CD96: variants seen among roughly 807,000 people sequenced by gnomAD.
The protein encoded by CD96 is T-cell surface protein tactile.
Under a neutral mutation model 71.3 loss-of-function variants are expected in CD96, and 70 were observed. That is an observed-to-expected ratio of 0.98 (90% CI 0.81 to 1.20). The LOEUF is 1.20. Ranked by LOEUF, CD96 falls within the 50% of genes most tolerant of loss-of-function variation. The pLI, the probability that CD96 is intolerant of heterozygous loss-of-function variation, is 0.00. For missense variants in CD96, 742 were observed against 677.5 expected, an observed-to-expected ratio of 1.10 and a Z score of -1.06; for synonymous variants, 248 against 233.0, an observed-to-expected ratio of 1.06 and a Z score of -0.59.
intron 11 of CD96, among the ~76,000 whole-genome samples, chr3:111,637,600 T>C (rs1314695135): frequency 1.3e-5 from 2 of 152,194 alleles, no homozygotes; most frequent in African/African-American, 4.8e-5. Flanking sequence ...GCAAATGAAT[T>C]TTTATTAACC....
At position 111,649,791 on chromosome 3, in the gene CD96, G is replaced by C. The variant is rs547635787; in HGVS notation, c.1695G>C (p.Glu565Asp). The C allele has an allele frequency of 5.6e-6, 9 of 1,601,968 alleles. No homozygotes were observed. Among genetic ancestry groups the C allele is most frequent in the African/African-American group, 2.7e-5 (2 of 74,704 alleles). ...EPNESDLPYHEMETL is the reference protein window; with the variant it reads ...EPNESDLPYHDMETL The stretch of plus-strand genomic sequence containing the variant: ...ACGAAAGTGATCTGCCTTATCATGA[G>C]ATGGAGACCCTCTAGTCTCGTGAGA... The change falls in exon 14 of 14, where the codon GAG becomes GAC. Residue 565 changes from glutamate to aspartate, a missense_variant. Coordinates refer to ENST00000352690, the MANE Select transcript of CD96 (RefSeq NM_005816.5).
chr3:111,603,469 G>A (rs552200011), intron 7 of CD96, among the ~76,000 whole-genome samples: 1 of 151,878 alleles, frequency 6.6e-6, no homozygotes, highest in Non-Finnish European at 1.5e-5. Context: ...ATCCCGCCCT[G>A]CTAGCATGTC....
chr3:111,663,766 T>TTTC (rs1940411865), intron 14 of CD96, among the ~76,000 whole-genome samples: 7 of 151,704 alleles, frequency 4.6e-5, no homozygotes, highest in Middle Eastern at 3.4e-3. Flanking sequence ...TTTTTTTTTT[T>TTTC]GAGATGGAGT....
At chr3:111,639,577 C>A (rs1939499317) in intron 12 of CD96, among the ~76,000 whole-genome samples, 1 of 152,140 alleles carries the variant, frequency 6.6e-6, no homozygotes, top group Non-Finnish European at 1.5e-5. Context: ...GGCATATAAT[C>A]TTGGGAGTTC....
intron 10 of CD96, among the ~76,000 whole-genome samples, chr3:111,627,224 TCTGATGTCTCCTTGGGACAGAGTG>T (rs1326768421): frequency 3.9e-5 from 6 of 152,182 alleles, no homozygotes; most frequent in Admixed American, 6.5e-5. Context: ...TGGACAGAAC[TCTGATGTCTCCTTGGGACAGAGTG>T]CCTTGTGGGA....
At chr3:111,611,273 A>C (rs1472992216) in intron 8 of CD96, among the ~76,000 whole-genome samples, 1 of 152,200 alleles carries the variant, frequency 6.6e-6, no homozygotes. Flanking sequence ...GATCTTCGGC[A>C]AGTGGATGAT....
chr3:111,589,511 A>G (rs1006434046), intron 5 of CD96, among the ~76,000 whole-genome samples: 4 of 152,250 alleles, frequency 2.6e-5, no homozygotes, highest in African/African-American at 9.6e-5. Flanking sequence ...GCTACAGGAC[A>G]TGGCTTGTCT....
intron 8 of CD96, among the ~76,000 whole-genome samples, chr3:111,612,656 CCAGA>C (rs1938011246): frequency 6.6e-6 from 1 of 152,106 alleles, no homozygotes; most frequent in African/African-American, 2.4e-5. Flanking sequence ...AGTATTGAGC[CCAGA>C]CAGACTTCAG....
In CD96 at chr3:111,600,900, T is replaced by C. The variant is rs1399984774; in HGVS notation, c.1073T>C (p.Ile358Thr). Residue 358 changes from isoleucine (I) to threonine (T), a missense_variant, in exon 7 of 14, where the codon ATC becomes ACC. Coordinates refer to ENST00000352690, the MANE Select transcript of CD96 (RefSeq NM_005816.5). Reference sequence around the variant, plus strand: ...GTGTGGAACATCTCATCAGAAAAGATCACTTTTCTCTTAGGTGAGTTGTCT... The same window carrying C: ...GTGTGGAACATCTCATCAGAAAAGACCACTTTTCTCTTAGGTGAGTTGTCT... ...NKVWNISSEK[I>T]TFLLGSEISS... 6.2e-7 allele frequency: 1 copy of C among 1,605,352 alleles called. No individual in the cohort carries two copies.
chr3:111,628,996 AAGAG>A (rs1264328402), intron 10 of CD96, among the ~76,000 whole-genome samples: 2 of 152,226 alleles, frequency 1.3e-5, no homozygotes, highest in Non-Finnish European at 2.9e-5. Context: ...TCTGCTTTAG[AAGAG>A]GTCCTGAAGG....
At chr3:111,544,214 G>A (rs555048829) in intron 1 of CD96, among the ~76,000 whole-genome samples, 13 of 151,966 alleles carry the variant, frequency 8.6e-5, no homozygotes, top group Non-Finnish European at 1.5e-4. Context: ...GCATGATTTC[G>A]GCTCACTGTA....
chr3:111,637,554 ATAAT>A (rs1360675517), intron 11 of CD96, among the ~76,000 whole-genome samples: 1 of 152,248 alleles, frequency 6.6e-6, no homozygotes, highest in East Asian at 1.9e-4. Flanking sequence ...GGAAAATAGA[ATAAT>A]TAGTCAACAT....
In CD96 at chr3:111,545,143, C is replaced by A; in HGVS notation, c.159C>A (p.Phe53Leu). Reference protein sequence around the residue: ...LTCQTQTVGFFVQMQWSKVTN... With the variant: ...LTCQTQTVGFLVQMQWSKVTN... ...GCCAAACACAGACAGTAGGCTTCTT[C>A]GTGCAGATGCAATGGTCCAAGGTCA... The change falls in exon 2 of 14, where the codon TTC (phenylalanine) becomes TTA (leucine). Residue 53 changes from phenylalanine to leucine, a missense_variant. Coordinates refer to ENST00000352690, the MANE Select transcript of CD96 (RefSeq NM_005816.5). The A allele has an allele frequency of 6.2e-7, 1 of 1,614,140 alleles. No individual in the cohort carries two copies. The highest frequency in any genetic ancestry group is 8.5e-7 in the Non-Finnish European group (1 of 1,180,006).
chr3:111,618,686 G>A (rs1057058208), intron 8 of CD96, among the ~76,000 whole-genome samples: 8 of 147,738 alleles, frequency 5.4e-5, no homozygotes, highest in African/African-American at 1.8e-4. Context: ...CCAGGTTCAC[G>A]CCATTCTCCT....
intron 5 of CD96, among the ~76,000 whole-genome samples, chr3:111,588,380 C>T (rs180728115): frequency 2.0e-5 from 3 of 152,332 alleles, no homozygotes; most frequent in Admixed American, 2.0e-4. Flanking sequence ...ACAACCTCGG[C>T]CTGGACCTTA....
At position 111,606,867 on chromosome 3, in the gene CD96, T is replaced by C. The variant is rs758774554; in HGVS notation, c.1180+75T>C. The C allele has an allele frequency of 3.4e-6, 3 of 892,822 alleles. No homozygotes were observed. The South Asian group carries it at 3.9e-5, about 12-fold the overall frequency. The allele number at this position is 892,822 out of a possible 1,614,324, so 55.3% of individuals were successfully genotyped here. A position where few individuals can be genotyped will look rare whatever the true frequency, so the allele number is the denominator to read the frequency against. ...ACGATAAAATTTCAGCAAACTTGCA[T>C]CATTCATGCCTGTTTCTTAGCTATG... On this transcript the variant is annotated intron_variant, in intron 8 of 13. Coordinates refer to ENST00000352690, the MANE Select transcript of CD96 (RefSeq NM_005816.5).
chr3:111,555,805 A>T (rs1206929287), intron 2 of CD96, among the ~76,000 whole-genome samples: 1 of 152,300 alleles, frequency 6.6e-6, no homozygotes, highest in African/African-American at 2.4e-5. Flanking sequence ...GTTTTTAAAT[A>T]ATCAAATATG....
At chr3:111,659,479 T>G (rs568531037) in intron 14 of CD96, among the ~76,000 whole-genome samples, 1 of 152,342 alleles carries the variant, frequency 6.6e-6, no homozygotes, top group South Asian at 2.1e-4. Context: ...AACTTCTTGA[T>G]GAAAGCATTT....
chr3:111,653,168 A>G (rs1298512266), downstream of CD96, among the ~76,000 whole-genome samples: 1 of 152,146 alleles, frequency 6.6e-6, no homozygotes, highest in African/African-American at 2.4e-5. Context: ...TTCTACCATC[A>G]CCATGAGAAG....
Sources: gnomAD v4.1 joint callset for allele counts (sites outside exome capture counted in the v4.1 genomes callset) on GRCh38, gnomAD v4.1.1 for gene constraint, MANE v1.5 for transcripts, NCBI Gene and HGNC (gene_info 2026-07-23, HGNC 2026-07-21) for gene names.